The following STK3 variants were observed in gnomAD, a reference collection of about 807,000 sequenced individuals.
The protein encoded by STK3 is serine/threonine kinase 3.
STK3 carries 41 observed loss-of-function variants against 58.0 expected under a neutral mutation model. The ratio of observed to expected loss-of-function variants is 0.71; its 90% CI spans 0.55 to 0.92. The LOEUF (loss-of-function observed/expected upper bound fraction) is 0.92, where lower values mean the gene tolerates loss of function less well. Ranked by LOEUF, STK3 falls within the 40% of genes least tolerant of loss-of-function variation. The pLI, the probability that STK3 is intolerant of heterozygous loss-of-function variation, is 0.00. For synonymous variants in STK3, 170 were observed against 191.0 expected (o/e 0.89, Z 0.91); for missense variants, 479 against 602.7 (o/e 0.79, Z 2.15).
At chr8:98,675,530 A>G (rs768359417) in intron 6 of STK3, among the ~76,000 whole-genome samples, 4 of 152,190 alleles carry the variant, frequency 2.6e-5, no homozygotes, top group Non-Finnish European at 5.9e-5. Flanking sequence ...CATATGATCC[A>G]GCAATTCCAC....
downstream of STK3, among the ~76,000 whole-genome samples, chr8:98,453,308 C>T (rs916393443): frequency 1.1e-4 from 16 of 151,284 alleles, no homozygotes; most frequent in Non-Finnish European, 2.1e-4. Context: ...AGGCTGGTCT[C>T]GAACTCCTGA....
intron 8 of STK3, among the ~76,000 whole-genome samples, chr8:98,561,897 A>C (rs1812065203): frequency 6.6e-6 from 1 of 152,176 alleles, no homozygotes; most frequent in Admixed American, 6.5e-5. Flanking sequence ...AATGGCAAAT[A>C]AGCATATAAA....
At position 98,891,082 on chromosome 8, in the gene STK3, C is replaced by T. The variant is rs112034889; in HGVS notation, c.-78-7248G>A. ...TTGTTGCACAAGTGGAAAATCTGGC[C>T]TCCTAACAGTTGTTAAATGTGCCAG... is the stretch of plus-strand genomic sequence containing the variant. On this transcript the variant is annotated intron_variant, in intron 1 of 1. Transcript: ENST00000519420. 8.8e-3 allele frequency among the ~76,000 whole-genome samples: 1,335 copies of T among 152,314 alleles called. 13 individuals carry two copies. Among genetic ancestry groups the T allele is most frequent in the African/African-American group, 0.03 (1,259 of 41,548 alleles).
At chr8:98,695,220 G>C (rs965542778) in intron 6 of STK3, among the ~76,000 whole-genome samples, 39 of 152,002 alleles carry the variant, frequency 2.6e-4, no homozygotes, top group Non-Finnish European at 5.0e-4. Flanking sequence ...AAATTTGTTT[G>C]AGTTCATTGT....
downstream of STK3, among the ~76,000 whole-genome samples, chr8:98,401,118 G>A (rs1409181297): frequency 6.6e-6 from 1 of 152,134 alleles, no homozygotes; most frequent in African/African-American, 2.4e-5. Flanking sequence ...AGGAGCCATG[G>A]ACAGCCACGT....
chr8:98,795,740 GTAAC>G (rs1002733892), intron 1 of STK3, among the ~76,000 whole-genome samples: 1 of 151,892 alleles, frequency 6.6e-6, no homozygotes, highest in Non-Finnish European at 1.5e-5. Flanking sequence ...CTATACACCA[GTAAC>G]GTTCCAGCTG....
intron 6 of STK3, among the ~76,000 whole-genome samples, chr8:98,620,925 ATT>A (rs534225654): frequency 7.7e-5 from 10 of 130,252 alleles, no homozygotes; most frequent in African/African-American, 2.0e-4. Flanking sequence ...AAAACAACTG[ATT>A]TTTTTTTTTT....
chr8:98,655,787 C>T lies in STK3; in HGVS notation c.684+50680G>A, dbSNP rs1196280199. Among the ~76,000 whole-genome samples the T allele has an allele frequency of 3.0e-4, 45 of 152,066 alleles. 1 individual carries two copies. Among genetic ancestry groups the T allele is most frequent in the South Asian group, 8.4e-4 (4 of 4,790 alleles). On this transcript the variant is annotated intron_variant, in intron 6 of 10. Transcript: ENST00000419617. ...AATGCAAATCAAAACCACAATGAGA[C>T]ACCATCTCACACCAGTTAGAATGGC...
chr8:98,620,953 G>A lies in STK3; in HGVS notation c.685-24784C>T, dbSNP rs537864933. On this transcript the variant is annotated intron_variant, in intron 6 of 10. Transcript: ENST00000419617. ...TTTTTTTTTTTTTTTTTTTTGAGAC[G>A]GAGTCTCGCTCTGTCGCCCAGGCTG... Among the ~76,000 whole-genome samples the A allele has an allele frequency of 3.0e-3, 411 of 136,854 alleles. 2 individuals carry two copies. The highest frequency in any genetic ancestry group is 4.3e-3 in the Middle Eastern group (1 of 234). The allele number at this position is 136,854 out of a possible 152,430, so 89.8% of individuals were successfully genotyped here.
At chr8:98,868,299 G>A (rs1456787166) in intron 3 of STK3, among the ~76,000 whole-genome samples, 1 of 152,236 alleles carries the variant, frequency 6.6e-6, no homozygotes, top group African/African-American at 2.4e-5. Context: ...TCTCAGTTGA[G>A]TTTTGTAATC....
At chr8:98,935,956 G>T (rs1002996872) in intron 1 of STK3, among the ~76,000 whole-genome samples, 3 of 151,136 alleles carry the variant, frequency 2.0e-5, no homozygotes, top group Non-Finnish European at 4.4e-5. Context: ...TCACTCTGTC[G>T]CCCAGGCTGG....
intron 1 of STK3, among the ~76,000 whole-genome samples, chr8:98,811,676 T>C (rs1050825042): frequency 1.3e-5 from 2 of 152,000 alleles, no homozygotes; most frequent in African/African-American, 4.8e-5. Flanking sequence ...TATTAAACGA[T>C]GTCAAAAAGT....
At chr8:98,402,414 C>G (rs750729806) in intron 3 of STK3, among the ~76,000 whole-genome samples, 1 of 152,214 alleles carries the variant, frequency 6.6e-6, no homozygotes, top group African/African-American at 2.4e-5. Flanking sequence ...GGGATCGGAG[C>G]TCCCTGGAGT....
intron 3 of STK3, among the ~76,000 whole-genome samples, chr8:98,873,833 C>A (rs949700145): frequency 6.6e-5 from 10 of 152,058 alleles, no homozygotes; most frequent in African/African-American, 2.4e-4. Flanking sequence ...GAGCATTTAG[C>A]CCATTTACAT....
intron 8 of STK3, among the ~76,000 whole-genome samples, chr8:98,560,452 T>A (rs1235629646): frequency 6.6e-6 from 1 of 151,798 alleles, no homozygotes. Context: ...TTAAAAAAAA[T>A]TTCAACAGAA....
intron 6 of STK3, among the ~76,000 whole-genome samples, chr8:98,680,884 G>C (rs1823579297): frequency 6.6e-6 from 1 of 151,206 alleles, no homozygotes; most frequent in Non-Finnish European, 1.5e-5. Context: ...AGTATAAAAA[G>C]AAACTGAACA....
At chr8:98,887,930 A>G (rs1272919477) in intron 1 of STK3, among the ~76,000 whole-genome samples, 1 of 152,198 alleles carries the variant, frequency 6.6e-6, no homozygotes, top group Non-Finnish European at 1.5e-5. Context: ...GCAATGTGAC[A>G]AGATGCCAGA....
intron 6 of STK3, among the ~76,000 whole-genome samples, chr8:98,637,823 A>C (rs546291308): frequency 2.6e-5 from 4 of 152,348 alleles, no homozygotes; most frequent in African/African-American, 9.6e-5. Context: ...ATGAAGTTTC[A>C]ACATCAATGT....
intron 3 of STK3, among the ~76,000 whole-genome samples, chr8:98,402,065 A>G (rs1389673561): frequency 6.6e-6 from 1 of 152,218 alleles, no homozygotes; most frequent in Non-Finnish European, 1.5e-5. Flanking sequence ...AGATTATACT[A>G]TCCTTGCTGT....
Sources: allele counts gnomAD v4.1 joint callset (sites outside exome capture counted in the v4.1 genomes callset), GRCh38; gene constraint gnomAD v4.1.1; transcripts MANE v1.5; gene names NCBI Gene and HGNC (gene_info 2026-07-23, HGNC 2026-07-21).